Variants in SGMS1 observed in about 807,000 individuals in gnomAD.
SGMS1 encodes phosphatidylcholine:ceramide cholinephosphotransferase 1.
SGMS1 carries 13 observed loss-of-function variants against 46.2 expected under a neutral mutation model. That is an observed-to-expected ratio of 0.28 (90% CI 0.18 to 0.45). The LOEUF (loss-of-function observed/expected upper bound fraction) is 0.45, where lower values mean the gene tolerates loss of function less well. SGMS1 is among the 20% of genes least tolerant of loss of function. The pLI is 1.00. For synonymous variants in SGMS1, 203 were observed against 187.8 expected (o/e 1.08, Z -0.66); for missense variants, 324 against 519.9 (o/e 0.62, Z 3.66).
chr10:50,532,225 CTGTGTGTGTGTGTGTGTGTGTG>C (rs71029313), intron 2 of SGMS1, among the ~76,000 whole-genome samples: 16 of 130,516 alleles, frequency 1.2e-4, no homozygotes, highest in African/African-American at 2.6e-4. Flanking sequence ...CTGAATGAGA[CTGTGTGTGTGTGTGTGTGTGTG>C]TGTGTGTGTG....
At chr10:50,333,336 CTTCT>C (rs567730302) in intron 7 of SGMS1, among the ~76,000 whole-genome samples, 2 of 152,190 alleles carry the variant, frequency 1.3e-5, no homozygotes, top group East Asian at 1.9e-4. Context: ...TCCTTTTCTA[CTTCT>C]TTCTACAAAT....
intron 2 of SGMS1, among the ~76,000 whole-genome samples, chr10:50,541,253 C>G (rs1015436128): frequency 1.3e-5 from 2 of 152,138 alleles, no homozygotes; most frequent in Non-Finnish European, 2.9e-5. Flanking sequence ...AAGACTTAAT[C>G]CAGTAGAGAT....
chr10:50,495,042 A>T lies in SGMS1; in HGVS notation c.-498+24789T>A, dbSNP rs182903727. ...CAGAGCGAGACTCCGTCTCAAAAAA[A>T]AAAATAAAATAAAAAAAAATACAAA... On this transcript the variant is annotated intron_variant, in intron 3 of 10. Coordinates refer to ENST00000361781, the MANE Select transcript of SGMS1 (RefSeq NM_147156.4). 8.6e-3 allele frequency among the ~76,000 whole-genome samples: 1,201 copies of T among 140,092 alleles called. 17 individuals are homozygous for T. The highest frequency in any genetic ancestry group is 0.026 in the African/African-American group (972 of 37,826). The allele number at this position is 140,092 out of a possible 152,430, so 91.9% of individuals were successfully genotyped here.
At chr10:50,472,634 C>G (rs977302991) in intron 3 of SGMS1, among the ~76,000 whole-genome samples, 1 of 152,264 alleles carries the variant, frequency 6.6e-6, no homozygotes, top group Admixed American at 6.5e-5. Flanking sequence ...ACACAATAAA[C>G]ATGGGAGTGC....
chr10:50,504,906 G>C (rs557418196), intron 3 of SGMS1, among the ~76,000 whole-genome samples: 49 of 152,156 alleles, frequency 3.2e-4, no homozygotes, highest in African/African-American at 1.1e-3. Context: ...CTCCCCAGTA[G>C]TAAAAAGATA....
chr10:50,560,580 C>T (rs1412620182), intron 2 of SGMS1, among the ~76,000 whole-genome samples: 1 of 143,970 alleles, frequency 6.9e-6, no homozygotes, highest in South Asian at 2.1e-4. Flanking sequence ...ATACATAATA[C>T]AAATATACAT....
At chr10:50,384,280 A>T (rs555547925) in intron 6 of SGMS1, among the ~76,000 whole-genome samples, 63 of 152,292 alleles carry the variant, frequency 4.1e-4, no homozygotes, top group African/African-American at 1.5e-3. Flanking sequence ...TAAGTTATCT[A>T]ACATTTGAGC....
chr10:50,404,858 A>G (rs539144316), intron 6 of SGMS1, among the ~76,000 whole-genome samples: 8 of 152,342 alleles, frequency 5.3e-5, no homozygotes, highest in African/African-American at 1.9e-4. Flanking sequence ...TTATACACCC[A>G]TAAAATAAAA....
At chr10:50,362,910 A>G (rs561782117) in intron 6 of SGMS1, among the ~76,000 whole-genome samples, 94 of 152,348 alleles carry the variant, frequency 6.2e-4, no homozygotes, top group African/African-American at 1.9e-3. Context: ...AGAGAGCAAC[A>G]TGTTAAAAGC....
At chr10:50,493,074 G>C (rs532311397) in intron 3 of SGMS1, among the ~76,000 whole-genome samples, 1 of 152,166 alleles carries the variant, frequency 6.6e-6, no homozygotes, top group East Asian at 1.9e-4. Flanking sequence ...CTATACTACA[G>C]GGCTACAGTA....
intron 3 of SGMS1, among the ~76,000 whole-genome samples, chr10:50,476,212 C>T (rs553557299): frequency 2.7e-5 from 4 of 146,346 alleles, no homozygotes; most frequent in South Asian, 2.2e-4. Context: ...AGGCATAGGT[C>T]GCAGTGAGCC....
intron 1 of SGMS1, among the ~76,000 whole-genome samples, chr10:50,623,229 C>CCAA (rs898829018): frequency 6.6e-6 from 1 of 152,102 alleles, no homozygotes; most frequent in African/African-American, 2.4e-5. Flanking sequence ...ACCGAAGGTA[C>CCAA]CAACTGTCAC....
chr10:50,571,509 C>T (rs532756263), intron 2 of SGMS1, among the ~76,000 whole-genome samples: 13 of 152,232 alleles, frequency 8.5e-5, no homozygotes, highest in African/African-American at 1.2e-4. Context: ...GGTTGGCACA[C>T]GGAGAGTGGC....
intron 2 of SGMS1, among the ~76,000 whole-genome samples, chr10:50,521,783 G>A (rs1837858877): frequency 6.6e-6 from 1 of 152,102 alleles, no homozygotes; most frequent in South Asian, 2.1e-4. Context: ...CTACAAAAGT[G>A]ATATTTTCTT....
intron 6 of SGMS1, among the ~76,000 whole-genome samples, chr10:50,355,214 C>G (rs2842099): frequency 0.13 from 19,076 of 152,212 alleles, 1,310 homozygotes; most frequent in Middle Eastern, 0.19. Flanking sequence ...CAATGACAGA[C>G]TGGATTAAGA....
At chr10:50,491,793 A>T (rs927510351) in intron 3 of SGMS1, among the ~76,000 whole-genome samples, 1 of 152,174 alleles carries the variant, frequency 6.6e-6, no homozygotes, top group Admixed American at 6.5e-5. Context: ...ACTGATGGGG[A>T]GGTACTCCTC....
At chr10:50,365,085 G>A (rs1036614529) in intron 6 of SGMS1, among the ~76,000 whole-genome samples, 1 of 151,800 alleles carries the variant, frequency 6.6e-6, no homozygotes, top group African/African-American at 2.4e-5. Flanking sequence ...CCAACATGGC[G>A]AAACCCCATT....
At chr10:50,424,772 C>A (rs1292743825) in intron 6 of SGMS1, among the ~76,000 whole-genome samples, 4 of 152,004 alleles carry the variant, frequency 2.6e-5, no homozygotes, top group Admixed American at 2.6e-4. Context: ...ATTAGTCGGG[C>A]ATAGTGGCAC....
At chr10:50,320,020 A>T (rs1847414670) in intron 8 of SGMS1, among the ~76,000 whole-genome samples, 1 of 152,154 alleles carries the variant, frequency 6.6e-6, no homozygotes, top group South Asian at 2.1e-4. Flanking sequence ...TAGTTTTATG[A>T]TTAGTAACTA....
Sources: gnomAD v4.1 joint callset for allele counts (sites outside exome capture counted in the v4.1 genomes callset) on GRCh38, gnomAD v4.1.1 for gene constraint, MANE v1.5 for transcripts, NCBI Gene and HGNC (gene_info 2026-07-23, HGNC 2026-07-21) for gene names.